The following RAB3GAP1 variants were observed in gnomAD, a reference collection of about 807,000 sequenced individuals.
The protein encoded by RAB3GAP1 is rab3 GTPase-activating protein catalytic subunit.
A neutral mutation model predicts 130.7 loss-of-function variants in RAB3GAP1; 86 were observed. The ratio of observed to expected loss-of-function variants is 0.66; its 90% CI spans 0.55 to 0.79. The LOEUF is 0.79. RAB3GAP1 is among the 30% of genes least tolerant of loss of function. The probability of loss-of-function intolerance (pLI) is 0.00; values close to 1 mark genes in which losing one functional copy is unlikely to be tolerated. For missense variants in RAB3GAP1, 1,029 were observed against 1,169.4 expected (o/e 0.88, Z 1.75); for synonymous variants, 367 against 401.7 (o/e 0.91, Z 1.03).
chr2:135,117,465 T>TCTTCTTCTTCTG (rs1691013314), intron 7 of RAB3GAP1, among the ~76,000 whole-genome samples: 1 of 129,890 alleles, frequency 7.7e-6, no homozygotes, highest in African/African-American at 2.9e-5. Context: ...TGCTTCTGCT[T>TCTTCTTCTTCTG]CTGCTTCTGC....
At chr2:135,124,366 T>A in intron 9 of RAB3GAP1, 120 bp downstream of exon 9, 1 of 1,075,610 alleles carries the variant, frequency 9.3e-7, no homozygotes, top group Non-Finnish European at 1.4e-6. Flanking sequence ...GTACTGGAAA[T>A]AAAGAAAGAC....
At position 135,115,316 on chromosome 2, in the gene RAB3GAP1, C is replaced by A. The variant is rs762670566; in HGVS notation, c.583C>A (p.Leu195Ile). 3 of 1,613,604 alleles carry A rather than the reference C, an allele frequency of 1.9e-6. No individual in the cohort carries two copies. Among genetic ancestry groups the A allele is most frequent in the Admixed American group, 1.7e-5 (1 of 59,992 alleles). ...ACGAACTGATTTCGAAATGGTTCAT[C>A]TTAGAAAAGTGCCAAATCAGTACAC... ...GVRTDFEMVH[L>I]RKVPNQYTHL... The change falls in exon 7 of 24, where the codon CTT becomes ATT. Residue 195 changes from leucine to isoleucine, a missense_variant. Transcript: ENST00000264158.
At chr2:135,099,341 T>A (rs1690386133) in intron 5 of RAB3GAP1, among the ~76,000 whole-genome samples, 2 of 152,290 alleles carry the variant, frequency 1.3e-5, no homozygotes, top group South Asian at 4.1e-4. Context: ...AGATTTTTAA[T>A]ATGTTGATTG....
rs1345018886 is a variant in RAB3GAP1, at chr2:135,170,564, G to A, written c.*1783G>A. On this transcript the variant is annotated 3_prime_UTR_variant, in exon 24 of 24. Transcript: ENST00000264158. ...AACACACTCCCTTACAGGGAAAACT[G>A]ACACCACGTTGCCACAAAATGTTGA... The A allele has an allele frequency of 6.6e-6, 1 of 152,350 alleles. No individual in the cohort carries two copies. Among genetic ancestry groups the A allele is most frequent in the East Asian group, 1.9e-4 (1 of 5,182 alleles). 9.4% of individuals were successfully genotyped at this position (152,350 alleles called of 1,614,324 possible). A position where few individuals can be genotyped will look rare whatever the true frequency, so the allele number is the denominator to read the frequency against.
At position 135,126,260 on chromosome 2, in the gene RAB3GAP1, TAA is replaced by T; in HGVS notation, c.899+12_899+13del. 1 of 1,600,546 alleles carries T rather than the reference TAA, an allele frequency of 6.2e-7. No homozygotes were observed. The highest frequency in any genetic ancestry group is 8.6e-7 in the Non-Finnish European group (1 of 1,167,964). ...TAATGATGTTTATTCGTAAGTATGT[TAA>T]GAGTAGTAGTACACTGAGATTAAAA... On this transcript the variant is annotated intron_variant, in intron 10 of 23. Coordinates refer to ENST00000264158, the MANE Select transcript of RAB3GAP1 (RefSeq NM_012233.3).
At chr2:135,144,101 AGCTCTCAGCTGG>A (rs1244794397) in intron 17 of RAB3GAP1, among the ~76,000 whole-genome samples, 5 of 152,202 alleles carry the variant, frequency 3.3e-5, no homozygotes, top group Admixed American at 6.5e-5. Context: ...GCACCAGCTT[AGCTCTCAGCTGG>A]GCTGAGCATG....
chr2:135,112,199 A>G (rs1370100994), intron 5 of RAB3GAP1, among the ~76,000 whole-genome samples: 13 of 152,166 alleles, frequency 8.5e-5, no homozygotes, highest in Admixed American at 6.5e-4. Context: ...CTCAAACTGT[A>G]ATATGATGAT....
intron 6 of RAB3GAP1, among the ~76,000 whole-genome samples, chr2:135,114,666 T>C (rs1252813853): frequency 6.6e-6 from 1 of 152,256 alleles, no homozygotes; most frequent in East Asian, 1.9e-4. Context: ...ATAGCTTATT[T>C]AATATACATT....
intron 7 of RAB3GAP1, among the ~76,000 whole-genome samples, chr2:135,119,948 G>A (rs1210034989): frequency 6.6e-6 from 1 of 152,178 alleles, no homozygotes; most frequent in East Asian, 1.9e-4. Flanking sequence ...GTGATTTTTA[G>A]TGAATTGACA....
intron 17 of RAB3GAP1, among the ~76,000 whole-genome samples, chr2:135,140,133 A>T (rs1691796958): frequency 6.6e-6 from 1 of 152,082 alleles, no homozygotes; most frequent in Admixed American, 6.6e-5. Context: ...CAATTTGTTT[A>T]TCCATTCACC....
chr2:135,149,776 C>G (rs1389914105), intron 17 of RAB3GAP1, among the ~76,000 whole-genome samples: 2 of 152,098 alleles, frequency 1.3e-5, no homozygotes, highest in African/African-American at 4.8e-5. Flanking sequence ...GCCTCAGCCT[C>G]CTGAGTAGCT....
At chr2:135,060,728 C>T (rs1016708797) in intron 3 of RAB3GAP1, among the ~76,000 whole-genome samples, 16 of 151,824 alleles carry the variant, frequency 1.1e-4, no homozygotes, top group African/African-American at 3.6e-4. Flanking sequence ...TTATTTGAGA[C>T]AGAGTCTTGC....
chr2:135,168,375 G>A (rs1302189687), intron 23 of RAB3GAP1, among the ~76,000 whole-genome samples, 170 bp from the exon 24 acceptor site: 1 of 152,190 alleles, frequency 6.6e-6, no homozygotes, highest in Admixed American at 6.5e-5. Flanking sequence ...CAAGCTTCTT[G>A]CATTTGCTGT....
chr2:135,151,454 C>T (rs1472152740), intron 18 of RAB3GAP1, among the ~76,000 whole-genome samples: 1 of 152,228 alleles, frequency 6.6e-6, no homozygotes, highest in South Asian at 2.1e-4. Context: ...ACCTATGCCA[C>T]TTTCATCCTT....
chr2:135,108,321 A>G (rs1486919966), intron 5 of RAB3GAP1, among the ~76,000 whole-genome samples: 1 of 152,172 alleles, frequency 6.6e-6, no homozygotes, highest in Non-Finnish European at 1.5e-5. Context: ...CTCCTAATAA[A>G]TTTAAGTTAC....
chr2:135,153,915 T>C (rs1176917021), intron 19 of RAB3GAP1, 39 bp downstream of exon 19: 1 of 1,568,362 alleles, frequency 6.4e-7, no homozygotes, highest in Non-Finnish European at 8.8e-7. Context: ...GAATGCAAAT[T>C]ACTGTTCTTA....
chr2:135,135,406 G>C lies in RAB3GAP1; in HGVS notation c.1554+87G>C, dbSNP rs576584039. ...TAAATGTAATAATGGGTTACATGCTGTTCTCATGGTGCTGCTGTAGGTTGC... is the reference window on the plus strand; with the variant it reads ...TAAATGTAATAATGGGTTACATGCTCTTCTCATGGTGCTGCTGTAGGTTGC... On this transcript the variant is annotated intron_variant, in intron 16 of 23. Coordinates refer to ENST00000264158, the MANE Select transcript of RAB3GAP1 (RefSeq NM_012233.3). The C allele has an allele frequency of 6.2e-6, 9 of 1,454,166 alleles. No homozygotes were observed. The East Asian group carries it at 1.4e-4, about 22-fold the overall frequency. 90.1% of individuals were successfully genotyped at this position (1,454,166 alleles called of 1,614,324 possible).
At chr2:135,072,302 A>G (rs1448864832) in intron 3 of RAB3GAP1, among the ~76,000 whole-genome samples, 1 of 152,230 alleles carries the variant, frequency 6.6e-6, no homozygotes, top group Non-Finnish European at 1.5e-5. Flanking sequence ...GGGAAGATTC[A>G]TAAAAGTAGC....
intron 3 of RAB3GAP1, among the ~76,000 whole-genome samples, chr2:135,061,003 C>CTT (rs369829961): frequency 0.013 from 1,699 of 131,042 alleles, 35 homozygotes; most frequent in African/African-American, 0.041. Flanking sequence ...TGGGCCCAGC[C>CTT]TTTTTTTTTT....
Sources: gnomAD v4.1 joint callset for allele counts (sites outside exome capture counted in the v4.1 genomes callset) on GRCh38, gnomAD v4.1.1 for gene constraint, MANE v1.5 for transcripts, NCBI Gene and HGNC (gene_info 2026-07-23, HGNC 2026-07-21) for gene names.